CSMD3: variants seen among roughly 807,000 people sequenced by gnomAD.
CSMD3 encodes the protein CUB and sushi domain-containing protein 3.
In CSMD3, 177 loss-of-function variants were observed where a neutral mutation model predicts 435.2. That is an observed-to-expected ratio of 0.41 (90% CI 0.36 to 0.46). The LOEUF is 0.46. CSMD3 is among the 20% of genes least tolerant of loss of function. The pLI is 0.34. For missense variants in CSMD3, 4,265 were observed against 4,504.6 expected (o/e 0.95, Z 1.52); for synonymous variants, 1,656 against 1,520.5 (o/e 1.09, Z -2.07).
chr8:112,747,787 C>T (rs1465486360), intron 13 of CSMD3, among the ~76,000 whole-genome samples: 1 of 151,740 alleles, frequency 6.6e-6, no homozygotes, highest in Non-Finnish European at 1.5e-5. Context: ...CACGGTGAAA[C>T]CCCGTCTCTA....
intron 61 of CSMD3, among the ~76,000 whole-genome samples, chr8:112,256,911 C>A (rs910230834): frequency 1.3e-5 from 2 of 152,004 alleles, no homozygotes; most frequent in Non-Finnish European, 2.9e-5. Context: ...TACAAGAGAT[C>A]GACCACAACA....
intron 23 of CSMD3, among the ~76,000 whole-genome samples, chr8:112,582,663 T>C (rs1830419581): frequency 6.6e-6 from 1 of 152,064 alleles, no homozygotes; most frequent in South Asian, 2.1e-4. Context: ...TGTTGTTGAT[T>C]TGGAAACAGT....
chr8:112,733,528 A>G (rs2077119861), intron 13 of CSMD3, among the ~76,000 whole-genome samples: 1 of 152,084 alleles, frequency 6.6e-6, no homozygotes. Context: ...TTATGCAAAA[A>G]TGGGTTAAGC....
At chr8:113,186,870 T>G (rs1222786780) in intron 3 of CSMD3, among the ~76,000 whole-genome samples, 1 of 151,936 alleles carries the variant, frequency 6.6e-6, no homozygotes, top group Non-Finnish European at 1.5e-5. Flanking sequence ...GCTTTTGCCA[T>G]GAGTCCGAGT....
chr8:112,853,747 C>T (rs1249440366), intron 11 of CSMD3, among the ~76,000 whole-genome samples: 2 of 152,204 alleles, frequency 1.3e-5, no homozygotes, highest in South Asian at 2.1e-4. Context: ...AAACCAGCTC[C>T]ACCTGTAGCT....
intron 4 of CSMD3, among the ~76,000 whole-genome samples, chr8:113,137,889 C>T (rs2091454868): frequency 6.6e-6 from 1 of 151,558 alleles, no homozygotes; most frequent in Non-Finnish European, 1.5e-5. Flanking sequence ...GGAATTACAT[C>T]CAAACCCTAT....
At chr8:112,496,755 C>T (rs62516487) in intron 30 of CSMD3, among the ~76,000 whole-genome samples, 4 of 151,526 alleles carry the variant, frequency 2.6e-5, no homozygotes, top group Non-Finnish European at 5.9e-5. Context: ...AGCAATTGAA[C>T]TCATGGAGTT....
rs1259816897 is a variant in CSMD3, at chr8:112,234,475, C to A, written c.10630G>T (p.Val3544Leu). ...NSNMELLLSG[V>L]YKSQEARLML... ...AGGCGAGCTTCCTGGCTTTTATATA[C>A]CCCTGTAAAATGCAAGGACATTTTA... is the stretch of plus-strand genomic sequence containing the variant. The change falls in exon 68 of 71, where the codon GTA becomes TTA. Residue 3544 changes from valine to leucine, a missense_variant and splice_region_variant. Physicochemically the swap from Val to Leu is conservative, Grantham distance 32. Around this residue, in one of 3 missense-constraint regions of CSMD3, gnomAD observed 3,255 missense variants for 3,380.2 expected, o/e 0.96. Coordinates refer to ENST00000297405, the MANE Select transcript of CSMD3 (RefSeq NM_198123.2). 8.3e-6 allele frequency: 13 copies of A among 1,574,322 alleles called. No homozygotes were observed. The highest frequency in any genetic ancestry group is 1.1e-5 in the Non-Finnish European group (13 of 1,144,444).
chr8:112,351,249 A>C lies in CSMD3; in HGVS notation c.6256-5T>G, dbSNP rs1358664310. 1 of 1,596,378 alleles carries C rather than the reference A, an allele frequency of 6.3e-7. No individual in the cohort carries two copies. The highest frequency in any genetic ancestry group is 8.6e-7 in the Non-Finnish European group (1 of 1,164,296). ...ACATGTAATGTGAGAGTGACCCTAC[A>C]TAAACAAAATGATGTGGTTCAGTAC... On this transcript the variant is annotated splice_polypyrimidine_tract_variant and splice_region_variant and intron_variant, in intron 39 of 70. Coordinates refer to ENST00000297405, the MANE Select transcript of CSMD3 (RefSeq NM_198123.2).
At chr8:112,437,402 A>G (rs1328333189) in intron 32 of CSMD3, among the ~76,000 whole-genome samples, 1 of 152,132 alleles carries the variant, frequency 6.6e-6, no homozygotes. Flanking sequence ...TGATTTGAAT[A>G]TGCTCTTTCA....
At chr8:112,310,935 C>A (rs1388448073) in intron 50 of CSMD3, 43 bp downstream of exon 50, 2 of 1,527,250 alleles carry the variant, frequency 1.3e-6, no homozygotes, top group East Asian at 4.5e-5. Flanking sequence ...TGGTGCTAAT[C>A]TCACATTCAT....
chr8:112,444,466 C>T, intron 32 of CSMD3, among the ~76,000 whole-genome samples: 1 of 152,114 alleles, frequency 6.6e-6, no homozygotes, highest in East Asian at 1.9e-4. Context: ...AAATGTCTAT[C>T]ACAAGGACAA....
rs576995702 is a variant in CSMD3 at position 113,400,031 on chromosome 8, G to T, written c.178+36646C>A. 2.6e-5 allele frequency among the ~76,000 whole-genome samples: 4 copies of T among 151,764 alleles called. No individual in the cohort carries two copies. The South Asian group carries it at 8.3e-4, about 31-fold the overall frequency. On this transcript the variant is annotated intron_variant, in intron 1 of 70. Transcript: ENST00000297405. ...TTATGGGAATGTTATGAAAGGCAAT[G>T]GTGACAGAGTCTTAGCTTTGTTTAA...
At chr8:112,517,628 T>C (rs542750065) in intron 27 of CSMD3, among the ~76,000 whole-genome samples, 5 of 152,136 alleles carry the variant, frequency 3.3e-5, no homozygotes, top group African/African-American at 9.6e-5. Flanking sequence ...GACATTTTAA[T>C]GAAAACGATA....
chr8:112,342,603 C>T (rs1825227933), intron 41 of CSMD3, among the ~76,000 whole-genome samples: 2 of 152,044 alleles, frequency 1.3e-5, no homozygotes, highest in South Asian at 2.1e-4. Context: ...AAGTAAGACA[C>T]ATGTAAAGTT....
At chr8:112,760,168 C>G (rs1321587779) in intron 13 of CSMD3, among the ~76,000 whole-genome samples, 1 of 152,052 alleles carries the variant, frequency 6.6e-6, no homozygotes, top group Non-Finnish European at 1.5e-5. Context: ...TGACAAATAA[C>G]AATCAATATA....
At chr8:113,359,518 C>G (rs2094256838) in intron 1 of CSMD3, among the ~76,000 whole-genome samples, 1 of 152,156 alleles carries the variant, frequency 6.6e-6, no homozygotes, top group Non-Finnish European at 1.5e-5. Flanking sequence ...TTCTCTAGGA[C>G]CTGGAGGCAG....
chr8:112,654,181 A>G (rs922728424), intron 18 of CSMD3, among the ~76,000 whole-genome samples: 1 of 152,196 alleles, frequency 6.6e-6, no homozygotes, highest in South Asian at 2.1e-4. Context: ...CAAATGCCAA[A>G]TATATTGTTA....
At chr8:112,299,091 A>T (rs1186080811) in intron 53 of CSMD3, among the ~76,000 whole-genome samples, 1 of 152,174 alleles carries the variant, frequency 6.6e-6, no homozygotes, top group Non-Finnish European at 1.5e-5. Flanking sequence ...AAGAAGCCTT[A>T]TACAAAAGAG....
Sources: allele counts gnomAD v4.1 joint callset (sites outside exome capture counted in the v4.1 genomes callset), GRCh38; gene constraint gnomAD v4.1.1; regional missense constraint gnomAD v4.1.1; transcripts MANE v1.5; gene names NCBI Gene and HGNC (gene_info 2026-07-23, HGNC 2026-07-21).